The following SPMIP4 variants were observed in gnomAD, a reference collection of about 807,000 sequenced individuals.
The protein encoded by SPMIP4 is sperm-associated microtubule inner protein 4.
At chr7:25,159,051 T>C in the SPMIP4 span, among the ~76,000 whole-genome samples, 1 of 152,208 alleles carries the variant, frequency 6.6e-6, no homozygotes, top group Non-Finnish European at 1.5e-5. Context: ...ATTTTCCATT[T>C]GTGGTGAAGA....
the SPMIP4 span, chr7:25,136,566 C>G: frequency 6.2e-7 from 1 of 1,614,160 alleles, no homozygotes; most frequent in South Asian, 1.1e-5. The surrounding 1 kb of genome is among the most constrained non-coding windows in gnomAD (Gnocchi z 5.7). Flanking sequence ...CTTCAATATC[C>G]TGGTTTTTAT....
chr7:25,128,538 GCT>G, the SPMIP4 span, among the ~76,000 whole-genome samples: 1 of 152,176 alleles, frequency 6.6e-6, no homozygotes, highest in East Asian at 1.9e-4. This position sits in a 1 kb window ranked among gnomAD's most constrained non-coding sequence, Gnocchi z 4.5. Flanking sequence ...AGGCACAGGG[GCT>G]CTTCAGTCAG....
At chr7:25,149,096 A>C in the SPMIP4 span, among the ~76,000 whole-genome samples, 1 of 152,236 alleles carries the variant, frequency 6.6e-6, no homozygotes, top group Non-Finnish European at 1.5e-5. Context: ...CAGTCTGTTT[A>C]TGCATCCAGT....
chr7:25,149,161 G>A, the SPMIP4 span, among the ~76,000 whole-genome samples: 1 of 152,188 alleles, frequency 6.6e-6, no homozygotes, highest in Non-Finnish European at 1.5e-5. Flanking sequence ...TAAAAGACAT[G>A]AGGAGGTAGC....
chr7:25,168,320 G>A, the SPMIP4 span: 2 of 1,608,764 alleles, frequency 1.2e-6, no homozygotes, highest in East Asian at 2.2e-5. Context: ...AATCCATAAT[G>A]CTGATGTCCT....
At chr7:25,127,815 T>A in the SPMIP4 span, among the ~76,000 whole-genome samples, 1 of 152,202 alleles carries the variant, frequency 6.6e-6, no homozygotes, top group African/African-American at 2.4e-5. Context: ...CTGGGCTTTT[T>A]ATTTTTTTGT....
chr7:25,134,964 CTAACTT>C, the SPMIP4 span: 1 of 984,772 alleles, frequency 1.0e-6, no homozygotes, highest in Non-Finnish European at 1.2e-6. Context: ...AAAAAATTCT[CTAACTT>C]TAGCCCAGAA....
chr7:25,136,314 CATATT>C, the SPMIP4 span: 2 of 1,614,054 alleles, frequency 1.2e-6, no homozygotes, highest in Non-Finnish European at 1.7e-6. The surrounding 1 kb of genome is among the most constrained non-coding windows in gnomAD (Gnocchi z 5.7). Context: ...GGTCTGGACA[CATATT>C]ATACTGATCA....
chr7:25,156,155 C>A, the SPMIP4 span, among the ~76,000 whole-genome samples: 1 of 152,102 alleles, frequency 6.6e-6, no homozygotes, highest in South Asian at 2.1e-4. Flanking sequence ...AGACAAACAC[C>A]TGAGGAGGAT....
At chr7:25,180,204 T>C in the SPMIP4 span, 1 of 152,882 alleles carries the variant, frequency 6.5e-6, no homozygotes, top group Non-Finnish European at 1.5e-5. Context: ...CTTGAGGGGC[T>C]GGGGGCTTCC....
chr7:25,171,401 T>G, the SPMIP4 span, among the ~76,000 whole-genome samples: 2 of 152,214 alleles, frequency 1.3e-5, no homozygotes, highest in Non-Finnish European at 2.9e-5. Flanking sequence ...TACTGCTTTC[T>G]GTGATAGAGG....
the SPMIP4 span, among the ~76,000 whole-genome samples, chr7:25,148,656 G>A: frequency 2.6e-5 from 4 of 151,930 alleles, no homozygotes; most frequent in Non-Finnish European, 5.9e-5. Context: ...TGTATTTTTA[G>A]TAGAGTCAGT....
the SPMIP4 span, among the ~76,000 whole-genome samples, chr7:25,137,171 C>T: frequency 6.6e-6 from 1 of 152,156 alleles, no homozygotes; most frequent in South Asian, 2.1e-4. Context: ...TTTATTAGGC[C>T]TTAGCAAGTG....
At chr7:25,161,740 C>A in the SPMIP4 span, among the ~76,000 whole-genome samples, 1 of 150,844 alleles carries the variant, frequency 6.6e-6, no homozygotes, top group Non-Finnish European at 1.5e-5. Context: ...CAGGCATGAG[C>A]CACCATGCCC....
the SPMIP4 span, among the ~76,000 whole-genome samples, chr7:25,157,736 G>C: frequency 6.6e-6 from 1 of 152,172 alleles, no homozygotes; most frequent in Non-Finnish European, 1.5e-5. Context: ...GTGACTGAAT[G>C]TAATGCGGTA....
At chr7:25,168,532 T>C in the SPMIP4 span, 4 of 1,300,382 alleles carry the variant, frequency 3.1e-6, no homozygotes, top group African/African-American at 6.1e-5. Flanking sequence ...GCATAACAGA[T>C]TGCATAAAAT....
chr7:25,145,895 T>C, the SPMIP4 span, among the ~76,000 whole-genome samples: 2 of 151,994 alleles, frequency 1.3e-5, no homozygotes, highest in Non-Finnish European at 2.9e-5. Flanking sequence ...GGTTGTAATA[T>C]ATTAAATGAA....
chr7:25,179,955 G>A, the SPMIP4 span: 1 of 152,430 alleles, frequency 6.6e-6, no homozygotes, highest in African/African-American at 2.4e-5. Flanking sequence ...GCGGTGCCTC[G>A]GGGGTCTGGA....
the SPMIP4 span, among the ~76,000 whole-genome samples, chr7:25,129,699 T>C: frequency 6.6e-6 from 1 of 152,098 alleles, no homozygotes; most frequent in African/African-American, 2.4e-5. Context: ...AGGCTTCCAT[T>C]TGGCCATCTT....
Sources: gnomAD v4.1 joint callset for allele counts (sites outside exome capture counted in the v4.1 genomes callset) on GRCh38, gnomAD v4.1.1 for gene constraint, Gnocchi (gnomAD v3.1) non-coding constraint, MANE v1.5 for transcripts, NCBI Gene and HGNC (gene_info 2026-07-23, HGNC 2026-07-21) for gene names.